Variants in PAK2 observed in about 807,000 individuals in gnomAD.
PAK2 encodes the protein p21 (RAC1) activated kinase 2, also known as serine/threonine-protein kinase PAK 2.
PAK2 carries 21 observed loss-of-function variants against 65.9 expected under a neutral mutation model. The ratio of observed to expected loss-of-function variants is 0.32; its 90% CI spans 0.23 to 0.46. The LOEUF (loss-of-function observed/expected upper bound fraction) is 0.46, where lower values mean the gene tolerates loss of function less well. PAK2 is among the 20% of genes least tolerant of loss of function. The pLI, the probability that PAK2 is intolerant of heterozygous loss-of-function variation, is 1.00. For missense variants in PAK2, 324 were observed against 642.6 expected (o/e 0.50, Z 5.36); for synonymous variants, 204 against 219.7 (o/e 0.93, Z 0.63).
At chr3:196,776,533 T>C (rs1387914344) in intron 1 of PAK2, among the ~76,000 whole-genome samples, 1 of 152,240 alleles carries the variant, frequency 6.6e-6, no homozygotes, top group Admixed American at 6.5e-5. Context: ...CAATTTAGGC[T>C]TTCAATCAAA....
At chr3:196,752,893 A>G (rs983077825) in intron 1 of PAK2, among the ~76,000 whole-genome samples, 1 of 151,416 alleles carries the variant, frequency 6.6e-6, no homozygotes, top group Non-Finnish European at 1.5e-5. Context: ...CGTCTGGCCT[A>G]TTTATTTTTG....
intron 1 of PAK2, among the ~76,000 whole-genome samples, chr3:196,775,968 T>A (rs183579603): frequency 7.9e-5 from 12 of 152,326 alleles, no homozygotes; most frequent in African/African-American, 2.6e-4. Context: ...GAAATAAATA[T>A]GAGTCTTCTG....
intron 1 of PAK2, among the ~76,000 whole-genome samples, chr3:196,779,886 G>A (rs988681907): frequency 6.6e-6 from 1 of 152,166 alleles, no homozygotes; most frequent in African/African-American, 2.4e-5. Context: ...GCCCAAGTTG[G>A]TCTCGAACTC....
intron 1 of PAK2, among the ~76,000 whole-genome samples, chr3:196,759,499 T>G (rs1159283034): frequency 0.033 from 249 of 7,510 alleles, 1 homozygote; most frequent in African/African-American, 0.087. Flanking sequence ...GTTTTTTTTG[T>G]TTTTTTTTTT....
At chr3:196,762,603 A>G (rs1718433) in intron 1 of PAK2, among the ~76,000 whole-genome samples, 104,940 of 148,488 alleles carry the variant, frequency 0.71, 37,342 homozygotes, top group Non-Finnish European at 0.72. Flanking sequence ...GGAGAATCAG[A>G]CAGGGAGGTT....
intron 2 of PAK2, among the ~76,000 whole-genome samples, chr3:196,785,986 G>A (rs528994946): frequency 8.3e-4 from 126 of 152,180 alleles, no homozygotes; most frequent in Non-Finnish European, 1.4e-3. Flanking sequence ...TTTCTACTTG[G>A]TGGTTAGCTT....
intron 2 of PAK2, among the ~76,000 whole-genome samples, chr3:196,783,579 CAAAAAAAAA>C (rs11417269): frequency 8.7e-6 from 1 of 114,876 alleles, no homozygotes; most frequent in South Asian, 2.9e-4. Flanking sequence ...GAGACTCTCT[CAAAAAAAAA>C]AAAAAAAAGT....
At chr3:196,795,480 C>T (rs1381426683) in intron 2 of PAK2, among the ~76,000 whole-genome samples, 1 of 151,490 alleles carries the variant, frequency 6.6e-6, no homozygotes, top group East Asian at 1.9e-4. Context: ...CCAAAAACAA[C>T]AACAACAACA....
chr3:196,747,871 G>A (rs1231376235), intron 1 of PAK2, among the ~76,000 whole-genome samples: 3 of 152,166 alleles, frequency 2.0e-5, no homozygotes, highest in South Asian at 2.1e-4. Context: ...TTGTTCTCAC[G>A]TTGGGACCTT....
At chr3:196,787,527 C>A (rs567558941) in intron 2 of PAK2, among the ~76,000 whole-genome samples, 1 of 150,602 alleles carries the variant, frequency 6.6e-6, no homozygotes, top group African/African-American at 2.4e-5. Flanking sequence ...TGCAGTGAGC[C>A]TTGATTGCGC....
At chr3:196,765,143 CTTTTTTTTT>C (rs58406576) in intron 1 of PAK2, among the ~76,000 whole-genome samples, 4 of 98,866 alleles carry the variant, frequency 4.0e-5, no homozygotes, top group East Asian at 3.5e-4. Flanking sequence ...CGTGCCCGGC[CTTTTTTTTT>C]TTTTTTTTTT....
chr3:196,787,799 A>G (rs970639420), intron 2 of PAK2, among the ~76,000 whole-genome samples: 1 of 151,928 alleles, frequency 6.6e-6, no homozygotes, highest in Admixed American at 6.6e-5. Flanking sequence ...CTGGAGCTCT[A>G]CCTCCCTTTC....
At chr3:196,755,711 G>T (rs1181135913) in intron 1 of PAK2, among the ~76,000 whole-genome samples, 2 of 152,060 alleles carry the variant, frequency 1.3e-5, no homozygotes, top group Non-Finnish European at 2.9e-5. Context: ...GCCTGCCTCA[G>T]CCTCCCAAAG....
rs878913221 is a variant in PAK2, at chr3:196,810,738, C to A, written c.773+85C>A. The stretch of plus-strand genomic sequence containing the variant: ...GCATGATGTTTATTTTGCCTGCCGA[C>A]ATCAAGTACTTATATAGTATTCTGT... On this transcript the variant is annotated intron_variant, in intron 8 of 14. Transcript: ENST00000327134. The A allele has an allele frequency of 1.5e-5, 11 of 756,338 alleles. No homozygotes were observed. In the East Asian group the frequency reaches 2.8e-4, roughly 19 times the overall value. 46.9% of individuals were successfully genotyped at this position (756,338 alleles called of 1,614,324 possible). A position where few individuals can be genotyped will look rare whatever the true frequency, so the allele number is the denominator to read the frequency against.
chr3:196,742,511 G>A (rs1713234063), intron 1 of PAK2, among the ~76,000 whole-genome samples: 1 of 152,144 alleles, frequency 6.6e-6, no homozygotes, highest in Non-Finnish European at 1.5e-5. Context: ...AAATGAGTAG[G>A]AATTGTTAGA....
intron 1 of PAK2, among the ~76,000 whole-genome samples, chr3:196,740,728 G>A (rs985700227): frequency 6.6e-6 from 1 of 152,160 alleles, no homozygotes; most frequent in Non-Finnish European, 1.5e-5. Flanking sequence ...CACCGCTTAC[G>A]AACTGATCTT....
intron 2 of PAK2, among the ~76,000 whole-genome samples, chr3:196,784,350 A>G (rs1272375529): frequency 3.9e-5 from 4 of 102,458 alleles, no homozygotes; most frequent in African/African-American, 1.2e-4. Flanking sequence ...AGCATTAGGT[A>G]TATCTCCCAA....
At chr3:196,787,077 G>A (rs1577721579) in intron 2 of PAK2, among the ~76,000 whole-genome samples, 2 of 151,934 alleles carry the variant, frequency 1.3e-5, no homozygotes, top group African/African-American at 4.8e-5. Context: ...GCCAGCCTTG[G>A]CCTCCCAAAG....
At chr3:196,822,994 G>T (rs1336435471) in intron 13 of PAK2, among the ~76,000 whole-genome samples, 2 of 152,154 alleles carry the variant, frequency 1.3e-5, no homozygotes, top group Admixed American at 6.6e-5. Flanking sequence ...GCTCTGGAAG[G>T]ATTCTGGCTT....
Sources: allele counts gnomAD v4.1 joint callset (sites outside exome capture counted in the v4.1 genomes callset), GRCh38; gene constraint gnomAD v4.1.1; transcripts MANE v1.5; gene names NCBI Gene and HGNC (gene_info 2026-07-23, HGNC 2026-07-21).